Variants in WDR27 observed in about 807,000 individuals in gnomAD.
The protein encoded by WDR27 is WD repeat-containing protein 27.
WDR27 carries 100 observed loss-of-function variants against 114.4 expected under a neutral mutation model. The ratio of observed to expected loss-of-function variants is 0.87; its 90% CI spans 0.74 to 1.03. The LOEUF is 1.03. WDR27 is among the 50% of genes least tolerant of loss of function. The pLI is 0.00. For synonymous variants in WDR27, 449 were observed against 423.1 expected, an observed-to-expected ratio of 1.06 and a Z score of -0.75; for missense variants, 1,129 against 1,092.9, an observed-to-expected ratio of 1.03 and a Z score of -0.47.
At chr6:169,483,665 A>T (rs1327398209) in intron 25 of WDR27, among the ~76,000 whole-genome samples, 1 of 152,136 alleles carries the variant, frequency 6.6e-6, no homozygotes, top group African/African-American at 2.4e-5. Context: ...TGATGCCAGC[A>T]TCATCCAGAT....
intron 25 of WDR27, among the ~76,000 whole-genome samples, chr6:169,560,883 A>G (rs542471234): frequency 2.0e-5 from 3 of 152,296 alleles, no homozygotes; most frequent in African/African-American, 7.2e-5. Flanking sequence ...GTATAATCCA[A>G]CACCTAATTT....
chr6:169,580,000 T>G (rs535005739), intron 24 of WDR27, among the ~76,000 whole-genome samples: 2 of 152,304 alleles, frequency 1.3e-5, no homozygotes, highest in African/African-American at 4.8e-5. Flanking sequence ...ATCCCCCAAG[T>G]GTGAGCTATG....
chr6:169,644,730 C>CTGTAGAAAAGCCTAGTTTGCAGGAGT (rs1350587268), intron 16 of WDR27, among the ~76,000 whole-genome samples: 41 of 57,452 alleles, frequency 7.1e-4, no homozygotes, highest in Admixed American at 1.3e-3. Flanking sequence ...AAATCCTAGG[C>CTGTAGAAAAGCCTAGTTTGCAGGAGT]CGGGCGCGGT....
chr6:169,550,959 G>T (rs942275640), intron 25 of WDR27, among the ~76,000 whole-genome samples: 2 of 152,228 alleles, frequency 1.3e-5, no homozygotes, highest in African/African-American at 4.8e-5. Context: ...GAAGCAATCT[G>T]CCTACCTCGG....
intron 10 of WDR27, 142 bp downstream of exon 10, chr6:169,660,521 C>A: frequency 1.4e-6 from 1 of 708,772 alleles, no homozygotes; most frequent in Non-Finnish European, 2.5e-6. Context: ...GAGGTGCTCA[C>A]GTGCTCAATG....
At chr6:169,447,377 T>C in the WDR27 span, among the ~76,000 whole-genome samples, 2 of 152,340 alleles carry the variant, frequency 1.3e-5, 1 homozygote, top group East Asian at 3.9e-4. Flanking sequence ...TTTAAATGTT[T>C]GATAAAACTT....
chr6:169,645,762 C>A (rs1382160975), intron 16 of WDR27, among the ~76,000 whole-genome samples: 1 of 145,292 alleles, frequency 6.9e-6, no homozygotes. Context: ...CAGGGTCACA[C>A]TGTAGAAAAG....
chr6:169,674,153 T>C (rs552662446), intron 2 of WDR27, among the ~76,000 whole-genome samples: 12 of 152,252 alleles, frequency 7.9e-5, no homozygotes, highest in Non-Finnish European at 7.4e-5. Context: ...TTTTTTCATA[T>C]ACAAAATCCA....
chr6:169,488,945 C>A (rs867383520), intron 25 of WDR27, among the ~76,000 whole-genome samples: 1 of 114,026 alleles, frequency 8.8e-6, no homozygotes, highest in African/African-American at 3.0e-5. Context: ...TTTGATGCCC[C>A]CTTTTTTTTT....
intron 25 of WDR27, among the ~76,000 whole-genome samples, chr6:169,550,712 C>T (rs1334171785): frequency 2.0e-5 from 3 of 151,208 alleles, no homozygotes; most frequent in Admixed American, 2.0e-4. Flanking sequence ...TGAGCCACCA[C>T]ACCTGGCCTT....
intron 25 of WDR27, among the ~76,000 whole-genome samples, chr6:169,549,504 C>T (rs572432619): frequency 6.6e-6 from 1 of 152,264 alleles, no homozygotes; most frequent in Admixed American, 6.5e-5. Flanking sequence ...CCATATGATT[C>T]AGAAACTGTA....
intron 25 of WDR27, among the ~76,000 whole-genome samples, chr6:169,490,566 G>T (rs1789623924): frequency 6.6e-6 from 1 of 152,144 alleles, no homozygotes; most frequent in Non-Finnish European, 1.5e-5. Context: ...AGTTGCGGGT[G>T]GGGGCTAAAT....
chr6:169,525,543 A>AG (rs1323723252), intron 25 of WDR27, among the ~76,000 whole-genome samples: 1 of 151,066 alleles, frequency 6.6e-6, no homozygotes, highest in Non-Finnish European at 1.5e-5. Context: ...CTCAAAAAAA[A>AG]AAAAAAGAAA....
intron 25 of WDR27, among the ~76,000 whole-genome samples, chr6:169,508,733 T>G (rs1293254777): frequency 1.3e-5 from 2 of 152,242 alleles, no homozygotes; most frequent in African/African-American, 4.8e-5. Flanking sequence ...TTTACAACAC[T>G]TGTGGAAATG....
At chr6:169,604,139 C>T (rs1808628805) in intron 22 of WDR27, among the ~76,000 whole-genome samples, 1 of 151,926 alleles carries the variant, frequency 6.6e-6, no homozygotes, top group South Asian at 2.1e-4. Flanking sequence ...TAGAGACCAA[C>T]AAAACAATTT....
chr6:169,664,244 CACG>C lies in WDR27; in HGVS notation c.823_825del (p.Arg275del). On this transcript the variant is annotated inframe_deletion, in exon 8 of 26. Coordinates refer to ENST00000448612, the MANE Select transcript of WDR27 (RefSeq NM_182552.5). ...TTCTTCCTTAGGTCAACCCGTGCCACACGACGATAATGGTGTCCATCCATCAAA... is the reference window on the plus strand; with the variant it reads ...TTCTTCCTTAGGTCAACCCGTGCCACACGATAATGGTGTCCATCCATCAAA... 1.2e-6 allele frequency: 2 copies of C among 1,613,830 alleles called. No homozygotes were observed. Among genetic ancestry groups the C allele is most frequent in the Admixed American group, 1.7e-5 (1 of 60,004 alleles).
chr6:169,432,058 C>T, the WDR27 span, among the ~76,000 whole-genome samples: 6 of 152,154 alleles, frequency 3.9e-5, no homozygotes, highest in Non-Finnish European at 7.3e-5. Flanking sequence ...AATTCCTCAG[C>T]TATTCTGGCA....
At chr6:169,529,895 T>G (rs1042451234) in intron 25 of WDR27, among the ~76,000 whole-genome samples, 1 of 152,218 alleles carries the variant, frequency 6.6e-6, no homozygotes, top group Non-Finnish European at 1.5e-5. Context: ...AATAGCACTG[T>G]GCCATAACTA....
At chr6:169,458,276 C>T (rs1229700812) in intron 25 of WDR27, among the ~76,000 whole-genome samples, 1 of 152,112 alleles carries the variant, frequency 6.6e-6, no homozygotes, top group Non-Finnish European at 1.5e-5. Flanking sequence ...AGAAAGCACC[C>T]ATCCTCCAAA....
Sources: gnomAD v4.1 joint callset for allele counts (sites outside exome capture counted in the v4.1 genomes callset) on GRCh38, gnomAD v4.1.1 for gene constraint, MANE v1.5 for transcripts, NCBI Gene and HGNC (gene_info 2026-07-23, HGNC 2026-07-21) for gene names.